Variants in ERBB4 observed in about 807,000 individuals in gnomAD.
ERBB4 encodes the protein receptor tyrosine-protein kinase erbB-4.
In ERBB4, 42 loss-of-function variants were observed where a neutral mutation model predicts 158.0. That is an observed-to-expected ratio of 0.27 (90% CI 0.21 to 0.34). ERBB4 has a LOEUF of 0.34. Among genes scored for constraint, ERBB4 ranks in the 10% least tolerant of loss-of-function variants. The pLI is 1.00. For synonymous variants in ERBB4, 583 were observed against 558.7 expected, an observed-to-expected ratio of 1.04 and a Z score of -0.61; for missense variants, 1,333 against 1,624.1, an observed-to-expected ratio of 0.82 and a Z score of 3.08.
intron 2 of ERBB4, among the ~76,000 whole-genome samples, chr2:212,012,786 T>C (rs1193615967): frequency 6.6e-6 from 1 of 151,940 alleles, no homozygotes; most frequent in Non-Finnish European, 1.5e-5. Flanking sequence ...TCTATGTCCC[T>C]CAGCCTGGAA....
At chr2:212,438,855 A>T (rs564787191) in intron 1 of ERBB4, among the ~76,000 whole-genome samples, 103 of 152,258 alleles carry the variant, frequency 6.8e-4, no homozygotes, top group Admixed American at 1.1e-3. Flanking sequence ...AAAGTTAAAC[A>T]TTATGATACT....
rs562668683 is a variant in ERBB4 at position 211,644,331 on chromosome 2, C to T, written c.1946+13423G>A. 1.8e-3 allele frequency among the ~76,000 whole-genome samples: 268 copies of T among 152,044 alleles called. 1 individual carries two copies. The highest frequency in any genetic ancestry group is 5.8e-3 in the African/African-American group (241 of 41,508). Reference sequence around the variant, plus strand: ...TTCTAAACTTATATAAACACCCAACCCCTAATTAGAACACATTTCTAATTA... The same window carrying T: ...TTCTAAACTTATATAAACACCCAACTCCTAATTAGAACACATTTCTAATTA... On this transcript the variant is annotated intron_variant, in intron 16 of 27. Transcript: ENST00000342788.
intron 1 of ERBB4, among the ~76,000 whole-genome samples, chr2:212,230,102 C>T (rs186100320): frequency 7.2e-5 from 11 of 152,102 alleles, no homozygotes; most frequent in East Asian, 5.8e-4. Context: ...CTGGCCAACA[C>T]GGTGAAACCC....
At chr2:211,957,617 G>A (rs757644147) in intron 2 of ERBB4, among the ~76,000 whole-genome samples, 9 of 152,074 alleles carry the variant, frequency 5.9e-5, no homozygotes, top group Non-Finnish European at 1.5e-5. Context: ...CAAATCCTAG[G>A]ATTATTTTGA....
intron 2 of ERBB4, among the ~76,000 whole-genome samples, chr2:212,030,784 G>A (rs773861245): frequency 1.1e-4 from 17 of 152,026 alleles, no homozygotes; most frequent in Non-Finnish European, 2.1e-4. Context: ...TAATTCTCCA[G>A]CATTTCTGGC....
intron 25 of ERBB4, among the ~76,000 whole-genome samples, chr2:211,405,354 C>G (rs1178360952): frequency 6.6e-6 from 1 of 152,148 alleles, no homozygotes; most frequent in Non-Finnish European, 1.5e-5. Context: ...AAACTTCCAT[C>G]TGACACATGG....
intron 1 of ERBB4, among the ~76,000 whole-genome samples, chr2:212,430,847 A>G (rs2092012155): frequency 6.6e-6 from 1 of 152,026 alleles, no homozygotes; most frequent in African/African-American, 2.4e-5. Flanking sequence ...GGGGGAAGCA[A>G]GAGAGAGTGA....
At chr2:212,438,671 G>T (rs2092188988) in intron 1 of ERBB4, among the ~76,000 whole-genome samples, 1 of 152,066 alleles carries the variant, frequency 6.6e-6, no homozygotes, top group African/African-American at 2.4e-5. Context: ...ATATCAAACT[G>T]TTAATGATAA....
intron 25 of ERBB4, among the ~76,000 whole-genome samples, chr2:211,391,931 G>C (rs916851643): frequency 6.6e-6 from 1 of 152,122 alleles, no homozygotes; most frequent in Non-Finnish European, 1.5e-5. Flanking sequence ...TGATCAATGA[G>C]AGTCACTTTC....
chr2:211,439,593 TC>T (rs2063930092), intron 20 of ERBB4, among the ~76,000 whole-genome samples: 1 of 152,150 alleles, frequency 6.6e-6, no homozygotes, highest in Non-Finnish European at 1.5e-5. Context: ...GCAAGACAAA[TC>T]TTAGTTCTGA....
intron 1 of ERBB4, among the ~76,000 whole-genome samples, chr2:212,183,494 T>C (rs1419397126): frequency 1.3e-5 from 2 of 152,012 alleles, no homozygotes; most frequent in East Asian, 1.9e-4. Flanking sequence ...TGATGAGATA[T>C]CACTAAATTA....
chr2:211,935,786 T>C (rs767184994), intron 3 of ERBB4, among the ~76,000 whole-genome samples: 6 of 152,198 alleles, frequency 3.9e-5, no homozygotes, highest in Admixed American at 6.5e-5. Flanking sequence ...TGGTTCTGTC[T>C]TTCTGGAGAC....
At chr2:212,016,508 C>A (rs1228405961) in intron 2 of ERBB4, among the ~76,000 whole-genome samples, 2 of 151,866 alleles carry the variant, frequency 1.3e-5, no homozygotes, top group Non-Finnish European at 2.9e-5. Context: ...GCATATCATG[C>A]AAATTTTAAA....
chr2:211,925,221 A>T (rs139803341), intron 3 of ERBB4, among the ~76,000 whole-genome samples: 3 of 152,298 alleles, frequency 2.0e-5, no homozygotes, highest in African/African-American at 4.8e-5. Context: ...CCTTGCTCAA[A>T]CAACATTAGT....
Position 211,566,773 on chromosome 2 carries a change from A to C in ERBB4, c.2302-4685T>G, listed in dbSNP as rs16846460. Among the ~76,000 whole-genome samples the C allele has an allele frequency of 5.5e-3, 830 of 152,212 alleles. 10 individuals carry two copies. The highest frequency in any genetic ancestry group is 0.039 in the East Asian group (199 of 5,122). On this transcript the variant is annotated intron_variant, in intron 19 of 27. Coordinates refer to ENST00000342788, the MANE Select transcript of ERBB4 (RefSeq NM_005235.3). ...TAATTATATATTTAATTGTGTATTA[A>C]GTTAGATACTTAAATATTAGATATC...
chr2:211,938,567 A>T (rs1407407727), intron 3 of ERBB4, among the ~76,000 whole-genome samples: 1 of 152,188 alleles, frequency 6.6e-6, no homozygotes, highest in African/African-American at 2.4e-5. Flanking sequence ...CATTGGCCAC[A>T]TCTGGCTACT....
chr2:212,272,614 G>A (rs1242318558), intron 1 of ERBB4, among the ~76,000 whole-genome samples: 4 of 151,742 alleles, frequency 2.6e-5, no homozygotes, highest in Non-Finnish European at 5.9e-5. Context: ...AAAACTCTGT[G>A]GGTTAAGCTA....
At chr2:212,093,195 G>T (rs991929014) in intron 2 of ERBB4, among the ~76,000 whole-genome samples, 2 of 152,148 alleles carry the variant, frequency 1.3e-5, no homozygotes, top group African/African-American at 4.8e-5. Flanking sequence ...CCAATGGAAA[G>T]TATCTCCAGA....
At chr2:211,654,390 T>G (rs1040778526) in intron 16 of ERBB4, among the ~76,000 whole-genome samples, 2 of 150,848 alleles carry the variant, frequency 1.3e-5, no homozygotes, top group Non-Finnish European at 2.9e-5. Context: ...GAAAGATATC[T>G]AGAGTTTCCT....
Sources: allele counts gnomAD v4.1 joint callset (sites outside exome capture counted in the v4.1 genomes callset), GRCh38; gene constraint gnomAD v4.1.1; transcripts MANE v1.5; gene names NCBI Gene and HGNC (gene_info 2026-07-23, HGNC 2026-07-21).